Variants in ERCC1 observed in about 807,000 individuals in gnomAD.
ERCC1 encodes ERCC excision repair 1, endonuclease non-catalytic subunit.
ERCC1 carries 36 observed loss-of-function variants against 37.6 expected under a neutral mutation model. The observed-to-expected ratio is 0.96, with a 90% CI of 0.73 to 1.26. The LOEUF (loss-of-function observed/expected upper bound fraction) is 1.26, where lower values mean the gene tolerates loss of function less well. ERCC1 is among the 50% of genes most tolerant of loss of function. ERCC1 has a pLI of 0.00. For missense variants in ERCC1, 349 were observed against 376.5 expected, an observed-to-expected ratio of 0.93 and a Z score of 0.60; for synonymous variants, 156 against 162.1, an observed-to-expected ratio of 0.96 and a Z score of 0.28.
rs1473758415 is a variant in ERCC1, at chr19:45,408,067, A to C, written c.*1608T>G. On this transcript the variant is annotated 3_prime_UTR_variant, in exon 10 of 10. Transcript: ENST00000300853. ...AGACTCTCTCAAAAAAAAACAAAAA[A>C]AAAATCAAAAAACCTTCCCTCTCCT... 9 of 1,505,840 alleles carry C rather than the reference A, an allele frequency of 6.0e-6. No homozygotes were observed. Among genetic ancestry groups the C allele is most frequent in the African/African-American group, 2.8e-5 (2 of 71,560 alleles). The allele number at this position is 1,505,840 out of a possible 1,614,324, so 93.3% of individuals were successfully genotyped here.
At chr19:45,435,013 C>T (rs532211686) in intron 1 of ERCC1, among the ~76,000 whole-genome samples, 1 of 152,104 alleles carries the variant, frequency 6.6e-6, no homozygotes, top group East Asian at 1.9e-4. Flanking sequence ...AAACTCCTGA[C>T]CTCAGGTGAT....
rs1243194945 is a variant in ERCC1, at chr19:45,407,381, G to C, written c.*2294C>G. The C allele has an allele frequency of 1.4e-6, 1 of 707,774 alleles. No homozygotes were observed. The highest frequency in any genetic ancestry group is 2.3e-6 in the Non-Finnish European group (1 of 439,398). 43.8% of individuals were successfully genotyped at this position (707,774 alleles called of 1,614,324 possible). A position where few individuals can be genotyped will look rare whatever the true frequency, so the allele number is the denominator to read the frequency against. On this transcript the variant is annotated 3_prime_UTR_variant, in exon 10 of 10. Transcript: ENST00000300853. ...TTGGAAACTACTCCTTTACAGAGTA[G>C]AGTGTCCTCAGAAAGCAGGGGGAGA...
chr19:45,430,144 G>A (rs1974798161), intron 1 of ERCC1, among the ~76,000 whole-genome samples: 1 of 152,190 alleles, frequency 6.6e-6, no homozygotes, highest in South Asian at 2.1e-4. Context: ...ATAAGGGCAG[G>A]GTCAAGGCCA....
At chr19:45,437,121 C>T (rs1975000831) in intron 1 of ERCC1, among the ~76,000 whole-genome samples, 1 of 151,966 alleles carries the variant, frequency 6.6e-6, no homozygotes, top group African/African-American at 2.4e-5. Flanking sequence ...TTGTGACACA[C>T]GCCCGTAATC....
At chr19:45,446,213 A>G (rs1966937824) in intron 1 of ERCC1, among the ~76,000 whole-genome samples, 1 of 152,004 alleles carries the variant, frequency 6.6e-6, no homozygotes, top group African/African-American at 2.4e-5. Flanking sequence ...TTTTTATTTT[A>G]ACAGGGTCCT....
At chr19:45,423,230 G>T in intron 2 of ERCC1, 40 bp downstream of exon 2, 1 of 1,579,244 alleles carries the variant, frequency 6.3e-7, no homozygotes, top group Non-Finnish European at 8.6e-7. Flanking sequence ...CGTCCTAACA[G>T]CCCCCAGCCT....
intron 5 of ERCC1, 77 bp from the exon 6 acceptor site, chr19:45,416,974 G>A (rs1002722716): frequency 1.7e-5 from 18 of 1,045,146 alleles, no homozygotes; most frequent in Non-Finnish European, 2.5e-5. Context: ...GCAGGTGCCT[G>A]TAATCCCAGC....
chr19:45,444,023 C>T (rs1975190167), intron 1 of ERCC1, among the ~76,000 whole-genome samples: 2 of 149,844 alleles, frequency 1.3e-5, no homozygotes, highest in South Asian at 4.3e-4. Flanking sequence ...TACCGGGCCC[C>T]TCTTCCCACC....
At chr19:45,442,400 A>G (rs539094060) in intron 1 of ERCC1, among the ~76,000 whole-genome samples, 1 of 152,130 alleles carries the variant, frequency 6.6e-6, no homozygotes, top group African/African-American at 2.4e-5. Flanking sequence ...TCCCACTCTG[A>G]TCCCCACTTC....
chr19:45,430,230 G>C (rs1342452827), intron 1 of ERCC1, among the ~76,000 whole-genome samples: 3 of 152,198 alleles, frequency 2.0e-5, no homozygotes. Flanking sequence ...ATGAATAAAA[G>C]GTGCTGGTGA....
In ERCC1 at chr19:45,407,873, T is replaced by C. The variant is rs1406582118; in HGVS notation, c.*1802A>G. On this transcript the variant is annotated 3_prime_UTR_variant, in exon 10 of 10. Transcript: ENST00000300853. ...GAGTTCAAGACCAGCCTGGCCAACATAGTGAAATTGTCTCTACTAAAAATA... is the reference window on the plus strand; with the variant it reads ...GAGTTCAAGACCAGCCTGGCCAACACAGTGAAATTGTCTCTACTAAAAATA... 1 of 352,534 alleles carries C rather than the reference T, an allele frequency of 2.8e-6. No individual in the cohort carries two copies. The highest frequency in any genetic ancestry group is 4.5e-5 in the East Asian group (1 of 22,238). 21.8% of individuals were successfully genotyped at this position (352,534 alleles called of 1,614,324 possible). A position where few individuals can be genotyped will look rare whatever the true frequency, so the allele number is the denominator to read the frequency against.
At chr19:45,426,493 G>C (rs2123556142), upstream of ERCC1, among the ~76,000 whole-genome samples, 1 of 151,288 alleles carries the variant, frequency 6.6e-6, no homozygotes, top group Middle Eastern at 3.4e-3. Flanking sequence ...AAAGGTTGCG[G>C]TGAGCTGAGA....
chr19:45,426,779 C>G (rs1599848842), upstream of ERCC1, among the ~76,000 whole-genome samples: 2 of 151,244 alleles, frequency 1.3e-5, no homozygotes, highest in African/African-American at 2.4e-5. Context: ...GGCAACATGA[C>G]AAAACCCCAT....
intron 1 of ERCC1, among the ~76,000 whole-genome samples, chr19:45,438,874 C>G (rs1568599361): frequency 1.3e-5 from 2 of 152,140 alleles, no homozygotes; most frequent in Non-Finnish European, 1.5e-5. Context: ...ATCCCGACCT[C>G]AAGTGATCCG....
intron 1 of ERCC1, among the ~76,000 whole-genome samples, chr19:45,431,665 G>T (rs1347122170): frequency 1.6e-5 from 2 of 128,806 alleles, no homozygotes; most frequent in African/African-American, 3.3e-5. Context: ...CAACAAGAGT[G>T]AAACTCCATC....
intron 2 of ERCC1, among the ~76,000 whole-genome samples, chr19:45,422,352 C>A (rs762138491): frequency 6.6e-6 from 1 of 152,126 alleles, no homozygotes; most frequent in Non-Finnish European, 1.5e-5. Flanking sequence ...CTCTCTCTGA[C>A]CTCAGGGCTT....
intron 1 of ERCC1, chr19:45,449,290 C>T (rs1020899429): frequency 3.3e-5 from 5 of 152,184 alleles, no homozygotes; most frequent in Non-Finnish European, 7.3e-5. Context: ...TCTAGTAATA[C>T]AACGACTGCT....
chr19:45,441,075 T>C (rs1235371876), intron 1 of ERCC1, among the ~76,000 whole-genome samples: 1 of 152,130 alleles, frequency 6.6e-6, no homozygotes, highest in Non-Finnish European at 1.5e-5. Context: ...TGCAAGTCAG[T>C]GATTGGACAC....
At chr19:45,413,918 G>A (rs748462021) in intron 8 of ERCC1, 45 bp downstream of exon 8, 1 of 1,596,720 alleles carries the variant, frequency 6.3e-7, no homozygotes, top group Non-Finnish European at 8.6e-7. Flanking sequence ...TCTAAAAAAG[G>A]CAAGGGGACA....
Sources: allele counts gnomAD v4.1 joint callset (sites outside exome capture counted in the v4.1 genomes callset), GRCh38; gene constraint gnomAD v4.1.1; transcripts MANE v1.5; gene names NCBI Gene and HGNC (gene_info 2026-07-23, HGNC 2026-07-21).